The following NYAP2 variants were observed in gnomAD, a reference collection of about 807,000 sequenced individuals.
The protein encoded by NYAP2 is neuronal tyrosine-phosphorylated phosphoinositide-3-kinase adapter 2.
NYAP2 carries 23 observed loss-of-function variants against 50.4 expected under a neutral mutation model. That is an observed-to-expected ratio of 0.46 (90% confidence interval 0.33 to 0.65). NYAP2 has a LOEUF of 0.65. Among genes scored for constraint, NYAP2 ranks in the 30% least tolerant of loss-of-function variants. The pLI, the probability that NYAP2 is intolerant of heterozygous loss-of-function variation, is 0.02. For synonymous variants in NYAP2, 394 were observed against 365.2 expected (o/e 1.08, Z -0.90); for missense variants, 885 against 861.0 (o/e 1.03, Z -0.35).
At chr2:225,603,293 A>C (rs574028838) in intron 5 of NYAP2, among the ~76,000 whole-genome samples, 1 of 152,302 alleles carries the variant, frequency 6.6e-6, no homozygotes, top group South Asian at 2.1e-4. Context: ...TCTAGGTGCT[A>C]GCATCTTTAT....
intron 3 of NYAP2, among the ~76,000 whole-genome samples, chr2:225,437,644 A>G (rs191325257): frequency 1.7e-3 from 259 of 152,342 alleles, no homozygotes; most frequent in African/African-American, 5.8e-3. Context: ...TAAAACCAAC[A>G]TATCTGCAAG....
At chr2:225,688,844 G>A in the NYAP2 span, among the ~76,000 whole-genome samples, 2 of 152,148 alleles carry the variant, frequency 1.3e-5, no homozygotes, top group African/African-American at 4.8e-5. Flanking sequence ...CTGGGCTTAA[G>A]CGATTCTCCT....
At chr2:225,432,144 A>AT (rs751205603) in intron 3 of NYAP2, among the ~76,000 whole-genome samples, 8,226 of 119,142 alleles carry the variant, frequency 0.069, 248 homozygotes, top group African/African-American at 0.12. Context: ...CGCCCGCCTA[A>AT]TTTTTTTTTT....
At chr2:225,528,624 C>T (rs935569858) in intron 4 of NYAP2, among the ~76,000 whole-genome samples, 1 of 152,210 alleles carries the variant, frequency 6.6e-6, no homozygotes, top group Non-Finnish European at 1.5e-5. Flanking sequence ...TGAGTTTCCT[C>T]ATTGGGAGCT....
At chr2:225,601,747 G>A (rs1184158238) in intron 5 of NYAP2, among the ~76,000 whole-genome samples, 1 of 151,882 alleles carries the variant, frequency 6.6e-6, no homozygotes, top group Non-Finnish European at 1.5e-5. Flanking sequence ...ATTTCTTTTT[G>A]TTGTTTAGTT....
chr2:225,514,207 T>C (rs1325054431), intron 4 of NYAP2, among the ~76,000 whole-genome samples: 1 of 152,228 alleles, frequency 6.6e-6, no homozygotes, highest in East Asian at 1.9e-4. Context: ...CTATGAAACA[T>C]ACAAGTCAAA....
intron 3 of NYAP2, among the ~76,000 whole-genome samples, chr2:225,457,084 T>A (rs953384072): frequency 6.6e-6 from 1 of 152,216 alleles, no homozygotes; most frequent in Non-Finnish European, 1.5e-5. Context: ...CTCTGTCACC[T>A]TCCATTATTG....
At chr2:225,452,996 G>A (rs1689678569) in intron 3 of NYAP2, among the ~76,000 whole-genome samples, 1 of 152,166 alleles carries the variant, frequency 6.6e-6, no homozygotes, top group Non-Finnish European at 1.5e-5. Flanking sequence ...TTCGCATCCA[G>A]TCAGCATGCC....
intron 4 of NYAP2, among the ~76,000 whole-genome samples, chr2:225,553,625 C>G (rs1214106467): frequency 6.6e-6 from 1 of 152,124 alleles, no homozygotes; most frequent in East Asian, 1.9e-4. Flanking sequence ...GACAAGTGTT[C>G]TTTATTTTTT....
At chr2:225,445,819 G>A (rs1689543674) in intron 3 of NYAP2, among the ~76,000 whole-genome samples, 1 of 151,922 alleles carries the variant, frequency 6.6e-6, no homozygotes, top group African/African-American at 2.4e-5. Flanking sequence ...CTATAGAAGT[G>A]TATAGATATA....
chr2:225,596,287 C>G (rs1413013439), intron 5 of NYAP2, among the ~76,000 whole-genome samples: 1 of 152,170 alleles, frequency 6.6e-6, no homozygotes, highest in Non-Finnish European at 1.5e-5. Flanking sequence ...GAACTCTGCT[C>G]CTTCATTTTT....
At chr2:225,687,762 C>G in the NYAP2 span, among the ~76,000 whole-genome samples, 1 of 152,158 alleles carries the variant, frequency 6.6e-6, no homozygotes, top group African/African-American at 2.4e-5. Flanking sequence ...TGACTTCTCT[C>G]AAAATCTCAA....
At chr2:225,665,721 A>C in the NYAP2 span, among the ~76,000 whole-genome samples, 3 of 142,380 alleles carry the variant, frequency 2.1e-5, no homozygotes, top group Non-Finnish European at 4.5e-5. Flanking sequence ...AGGTAGGAGA[A>C]TTGCTTGAAC....
intron 6 of NYAP2, among the ~76,000 whole-genome samples, chr2:225,645,980 G>A (rs1440473916): frequency 6.6e-6 from 1 of 152,162 alleles, no homozygotes; most frequent in African/African-American, 2.4e-5. Context: ...TTTTGGTCAA[G>A]TTAGTTGAGC....
intron 4 of NYAP2, among the ~76,000 whole-genome samples, chr2:225,520,928 T>G (rs1381034004): frequency 1.3e-5 from 2 of 151,840 alleles, no homozygotes; most frequent in African/African-American, 4.8e-5. Flanking sequence ...TTCCATTTGT[T>G]TGTATCCTCT....
chr2:225,547,370 A>G (rs1691603710), intron 4 of NYAP2, among the ~76,000 whole-genome samples: 2 of 152,214 alleles, frequency 1.3e-5, no homozygotes, highest in African/African-American at 4.8e-5. Flanking sequence ...CTTTGAGCCC[A>G]GGACAGCACT....
At chr2:225,441,697 C>A (rs182467975) in intron 3 of NYAP2, among the ~76,000 whole-genome samples, 47 of 152,250 alleles carry the variant, frequency 3.1e-4, no homozygotes, top group African/African-American at 1.0e-3. Context: ...ATCATGAGAA[C>A]AGCATGAGAG....
chr2:225,549,791 G>A (rs1691640661), intron 4 of NYAP2, among the ~76,000 whole-genome samples: 1 of 152,006 alleles, frequency 6.6e-6, no homozygotes, highest in South Asian at 2.1e-4. Flanking sequence ...AAACCACCCT[G>A]GCCAACATGG....
At chr2:225,427,502 C>T (rs765242819) in intron 3 of NYAP2, among the ~76,000 whole-genome samples, 19 of 152,156 alleles carry the variant, frequency 1.2e-4, no homozygotes, top group Admixed American at 2.6e-4. Context: ...GTGTAGTCCT[C>T]CTGCAAGTTT....
Sources: allele counts gnomAD v4.1 joint callset (sites outside exome capture counted in the v4.1 genomes callset), GRCh38; gene constraint gnomAD v4.1.1; transcripts MANE v1.5; gene names NCBI Gene and HGNC (gene_info 2026-07-23, HGNC 2026-07-21).